EMC2: variants seen among roughly 807,000 people sequenced by gnomAD.
The protein encoded by EMC2 is TPR repeat protein 35.
EMC2 carries 37 observed loss-of-function variants against 51.6 expected under a neutral mutation model. That is an observed-to-expected ratio of 0.72 (90% CI 0.55 to 0.94). The LOEUF is 0.94. Ranked by LOEUF, EMC2 falls within the 40% of genes least tolerant of loss-of-function variation. EMC2 has a pLI of 0.00. For missense variants in EMC2, 359 were observed against 350.9 expected (o/e 1.02, Z -0.18); for synonymous variants, 131 against 112.4 (o/e 1.17, Z -1.04).
At chr8:108,453,203 A>T (rs1044847822) in intron 4 of EMC2, 56 bp downstream of exon 4, 188 of 792,118 alleles carry the variant, frequency 2.4e-4, no homozygotes, top group Non-Finnish European at 3.2e-4. Context: ...GGTGGTGTTA[A>T]TTTTTTTTTT....
intron 2 of EMC2, 139 bp downstream of exon 2, chr8:108,450,075 T>C (rs890230588): frequency 5.6e-6 from 3 of 534,788 alleles, no homozygotes; most frequent in Admixed American, 3.8e-5. Context: ...AGAATTTTAA[T>C]GATAGTTTAT....
intron 1 of EMC2, among the ~76,000 whole-genome samples, chr8:108,447,101 A>G (rs1022352632): frequency 1.1e-4 from 17 of 152,312 alleles, no homozygotes; most frequent in African/African-American, 3.4e-4. Flanking sequence ...AAGTATACCT[A>G]TACATGAATC....
At chr8:108,485,573 A>C (rs1811124511) in intron 10 of EMC2, among the ~76,000 whole-genome samples, 1 of 143,482 alleles carries the variant, frequency 7.0e-6, no homozygotes, top group Non-Finnish European at 1.5e-5. Flanking sequence ...ACACACATAC[A>C]CACACAATAA....
At chr8:108,447,957 G>A (rs969119795) in intron 1 of EMC2, among the ~76,000 whole-genome samples, 17 of 152,062 alleles carry the variant, frequency 1.1e-4, no homozygotes, top group African/African-American at 2.9e-4. Context: ...TAGAATTTTT[G>A]TAGGGCTTCA....
chr8:108,481,246 T>G (rs1039071976), intron 10 of EMC2, among the ~76,000 whole-genome samples: 2 of 152,158 alleles, frequency 1.3e-5, no homozygotes, highest in Admixed American at 1.3e-4. Flanking sequence ...ATTTTACAAA[T>G]GTAGTGCCTC....
At chr8:108,471,856 C>T (rs1471938607) in intron 7 of EMC2, among the ~76,000 whole-genome samples, 2 of 151,780 alleles carry the variant, frequency 1.3e-5, no homozygotes, top group African/African-American at 2.4e-5. Flanking sequence ...TAAATAGTTC[C>T]TGATTGTTCC....
rs371680723 is a variant in EMC2 at position 108,450,999 on chromosome 8, C to T, written c.219+507C>T. 3.3e-5 allele frequency among the ~76,000 whole-genome samples: 5 copies of T among 152,222 alleles called. No homozygotes were observed. In the South Asian group the frequency reaches 8.3e-4, roughly 25 times the overall value. ...GGCAGACCACCTGAGGTCAGGAGTT[C>T]GAGACCAGCCTGGCCAACGTGGTGA... is the stretch of plus-strand genomic sequence containing the variant. On this transcript the variant is annotated intron_variant, in intron 3 of 10. Transcript: ENST00000220853.
In EMC2 at chr8:108,476,866, A is replaced by G; in HGVS notation, c.676A>G (p.Met226Val). The G allele has an allele frequency of 6.3e-7, 1 of 1,590,460 alleles. No individual in the cohort carries two copies. The highest frequency in any genetic ancestry group is 8.6e-7 in the Non-Finnish European group (1 of 1,159,296). Residue 226 changes from methionine (M) to valine (V), a missense_variant, in exon 9 of 11, where the codon ATG (methionine) becomes GTG (valine). By Grantham distance (21) the Met-to-Val change is conservative. Coordinates refer to ENST00000220853, the MANE Select transcript of EMC2 (RefSeq NM_014673.5). ...GGCATTGAAACTGAACAACAGAAAT[A>G]TGAGAGCTTTGTTTGGACTTTATAT... Reference protein sequence around the residue: ...AQALKLNNRNMRALFGLYMSA... With the variant: ...AQALKLNNRNVRALFGLYMSA...
intron 9 of EMC2, among the ~76,000 whole-genome samples, chr8:108,477,406 A>T (rs1341930206): frequency 6.6e-6 from 1 of 152,054 alleles, no homozygotes; most frequent in Non-Finnish European, 1.5e-5. Flanking sequence ...AAGTCAATTA[A>T]TAAGAGCTGT....
intron 4 of EMC2, among the ~76,000 whole-genome samples, chr8:108,453,467 C>G (rs1266826281): frequency 6.6e-6 from 1 of 151,900 alleles, no homozygotes; most frequent in Non-Finnish European, 1.5e-5. Context: ...GTGAATATTT[C>G]TCCCTATTCT....
intron 5 of EMC2, among the ~76,000 whole-genome samples, chr8:108,456,942 G>A (rs868778907): frequency 2.6e-5 from 4 of 152,038 alleles, no homozygotes; most frequent in Admixed American, 6.5e-5. Context: ...AGAAATTGTT[G>A]TATTAACACA....
chr8:108,450,085 T>C lies in EMC2; in HGVS notation c.154+149T>C, dbSNP rs935789608. 3.6e-5 allele frequency: 19 copies of C among 533,852 alleles called. No individual in the cohort carries two copies. In the Admixed American group the frequency reaches 3.8e-4, roughly 11 times the overall value. 33.1% of individuals were successfully genotyped at this position (533,852 alleles called of 1,614,324 possible). ...TCCCAAGAATTTTAATGATAGTTTATTTTGAGAAGGATTTATAATTGCTTG... is the reference window on the plus strand; with the variant it reads ...TCCCAAGAATTTTAATGATAGTTTACTTTGAGAAGGATTTATAATTGCTTG... On this transcript the variant is annotated intron_variant, in intron 2 of 10. Coordinates refer to ENST00000220853, the MANE Select transcript of EMC2 (RefSeq NM_014673.5).
intron 9 of EMC2, 86 bp downstream of exon 9, chr8:108,476,978 T>C (rs1586191925): frequency 3.1e-6 from 2 of 641,880 alleles, no homozygotes; most frequent in South Asian, 2.0e-5. Flanking sequence ...ACTCCTCTCC[T>C]GTTTTTTGTA....
At chr8:108,457,170 A>T (rs1371176456) in intron 5 of EMC2, among the ~76,000 whole-genome samples, 1 of 152,166 alleles carries the variant, frequency 6.6e-6, no homozygotes, top group Non-Finnish European at 1.5e-5. Context: ...TTCTGTAATG[A>T]TACTTATGTA....
intron 7 of EMC2, among the ~76,000 whole-genome samples, chr8:108,472,761 C>T (rs555263157): frequency 2.1e-3 from 321 of 152,002 alleles, no homozygotes; most frequent in Non-Finnish European, 3.9e-3. Context: ...GTGGCAAAAA[C>T]GTAGCAGTTT....
intron 5 of EMC2, among the ~76,000 whole-genome samples, chr8:108,462,437 A>G (rs1012719685): frequency 6.6e-6 from 1 of 152,080 alleles, no homozygotes; most frequent in Non-Finnish European, 1.5e-5. Context: ...GATGATTCTG[A>G]TATTTCCTCT....
chr8:108,482,448 TG>T (rs1413602420), intron 10 of EMC2, among the ~76,000 whole-genome samples: 1 of 152,204 alleles, frequency 6.6e-6, no homozygotes, highest in Non-Finnish European at 1.5e-5. Context: ...CATTTGTTTG[TG>T]TTTTTTGTGT....
chr8:108,475,709 C>A (rs1810934248), intron 7 of EMC2, 173 bp from the exon 8 acceptor site: 7 of 521,652 alleles, frequency 1.3e-5, no homozygotes, highest in South Asian at 5.2e-5. Context: ...AATTTAATGT[C>A]ATTGATATTT....
chr8:108,465,847 C>A (rs1252621361), intron 5 of EMC2, among the ~76,000 whole-genome samples: 5 of 152,106 alleles, frequency 3.3e-5, no homozygotes, highest in Non-Finnish European at 1.5e-5. Flanking sequence ...GAAGCATGTT[C>A]AGTTAAAAGA....
Sources: allele counts gnomAD v4.1 joint callset (sites outside exome capture counted in the v4.1 genomes callset), GRCh38; gene constraint gnomAD v4.1.1; transcripts MANE v1.5; gene names NCBI Gene and HGNC (gene_info 2026-07-23, HGNC 2026-07-21).